TXNRD2: variants seen among roughly 807,000 people sequenced by gnomAD.
TXNRD2 encodes the protein thioredoxin reductase 2, also known as thioredoxin reductase 2, mitochondrial.
In TXNRD2, 67 loss-of-function variants were observed where a neutral mutation model predicts 70.8. That is an observed-to-expected ratio of 0.95 (90% CI 0.78 to 1.16). The LOEUF is 1.16. TXNRD2 is among the 50% of genes most tolerant of loss of function. TXNRD2 has a pLI of 0.00. For missense variants in TXNRD2, 644 were observed against 719.9 expected (o/e 0.89, Z 1.21); for synonymous variants, 301 against 295.8 (o/e 1.02, Z -0.18).
chr22:19,909,899 A>C (rs1413483938), intron 8 of TXNRD2, among the ~76,000 whole-genome samples: 55 of 83,186 alleles, frequency 6.6e-4, no homozygotes, highest in Middle Eastern at 8.2e-3. Context: ...ACACACACAC[A>C]CACCACACAC....
At chr22:19,890,953 C>CTGTGGT in intron 11 of TXNRD2, among the ~76,000 whole-genome samples, 1 of 152,170 alleles carries the variant, frequency 6.6e-6, no homozygotes, top group South Asian at 2.1e-4. Flanking sequence ...TCCTGGGCAC[C>CTGTGGT]CCAGTCTCTC....
chr22:19,918,906 C>A lies in TXNRD2; in HGVS notation c.328G>T (p.Ala110Ser). 6.2e-7 allele frequency: 1 copy of A among 1,612,760 alleles called. No homozygotes were observed. The highest frequency in any genetic ancestry group is 8.5e-7 in the Non-Finnish European group (1 of 1,179,996). Residue 110 changes from alanine to serine, a missense_variant, in exon 4 of 18, where the codon GCC (alanine) becomes TCC (serine). This residue lies in a region of TXNRD2 where 566 missense variants were observed against 645.0 expected (regional missense o/e 0.88). Transcript: ENST00000400521. ...GCCACCTCCCAGCCATAGTTGGGGG[C>A]ATCTTGGATCAGGCCTCCCAGCAGT... ...AALLGGLIQD[A>S]PNYGWEVAQP...
intron 14 of TXNRD2, among the ~76,000 whole-genome samples, chr22:19,879,597 G>A: frequency 6.8e-6 from 1 of 147,536 alleles, no homozygotes; most frequent in East Asian, 2.0e-4. Context: ...GGGCAGTCCA[G>A]GAAGACGAGG....
At chr22:19,924,060 G>T (rs1480787963) in intron 2 of TXNRD2, among the ~76,000 whole-genome samples, 1 of 151,728 alleles carries the variant, frequency 6.6e-6, no homozygotes, top group African/African-American at 2.4e-5. Flanking sequence ...GTGTGCAGCG[G>T]TGCGATCACA....
chr22:19,900,508 T>A (rs997500463), intron 8 of TXNRD2, among the ~76,000 whole-genome samples: 6 of 152,182 alleles, frequency 3.9e-5, no homozygotes, highest in Non-Finnish European at 7.3e-5. Flanking sequence ...CCCAGCACTT[T>A]GGGAGGCCGA....
At chr22:19,900,946 G>A (rs974580408) in intron 8 of TXNRD2, among the ~76,000 whole-genome samples, 11 of 152,242 alleles carry the variant, frequency 7.2e-5, no homozygotes. Context: ...CTGGCAGAGT[G>A]AGGCCAATGC....
intron 11 of TXNRD2, among the ~76,000 whole-genome samples, chr22:19,889,772 G>A (rs1040383322): frequency 2.6e-5 from 4 of 152,040 alleles, no homozygotes; most frequent in South Asian, 4.1e-4. Flanking sequence ...CACCTCACCC[G>A]GCCCTTTAAC....
At chr22:19,906,599 G>A (rs2146000660) in intron 8 of TXNRD2, among the ~76,000 whole-genome samples, 1 of 152,236 alleles carries the variant, frequency 6.6e-6, no homozygotes, top group East Asian at 1.9e-4. Flanking sequence ...TCCAGCCTGG[G>A]CGACAGAGCA....
intron 5 of TXNRD2, chr22:19,916,184 T>C (rs35792038): frequency 0.13 from 46,317 of 350,932 alleles, 3,345 homozygotes; most frequent in Non-Finnish European, 0.15. Flanking sequence ...CACCCGGACA[T>C]GTTCCAGCAG....
intron 2 of TXNRD2, among the ~76,000 whole-genome samples, chr22:19,920,270 G>A (rs1204097256): frequency 6.6e-6 from 1 of 152,206 alleles, no homozygotes; most frequent in Admixed American, 6.5e-5. Context: ...ACAGGTTCTG[G>A]GGCCAACTCA....
At chr22:19,917,748 G>A (rs1240355500) in intron 5 of TXNRD2, among the ~76,000 whole-genome samples, 1 of 152,188 alleles carries the variant, frequency 6.6e-6, no homozygotes, top group Non-Finnish European at 1.5e-5. Flanking sequence ...GAGGTGTGCA[G>A]TAAGAAGGGG....
chr22:19,909,884 C>T (rs374784457), intron 8 of TXNRD2, among the ~76,000 whole-genome samples: 2 of 44,822 alleles, frequency 4.5e-5, no homozygotes, highest in Non-Finnish European at 6.9e-5. Flanking sequence ...TCACACACAC[C>T]ACTCACACAC....
intron 8 of TXNRD2, among the ~76,000 whole-genome samples, chr22:19,909,386 A>G (rs1467920583): frequency 6.6e-6 from 1 of 152,070 alleles, no homozygotes; most frequent in Non-Finnish European, 1.5e-5. Context: ...CATTAACAAG[A>G]GAAAGGTCAA....
chr22:19,922,227 T>C (rs2146060167), intron 2 of TXNRD2, among the ~76,000 whole-genome samples: 1 of 152,292 alleles, frequency 6.6e-6, no homozygotes, highest in African/African-American at 2.4e-5. Context: ...GCAGAAAAGA[T>C]CAATAAAACA....
intron 1 of TXNRD2, among the ~76,000 whole-genome samples, chr22:19,931,919 T>C (rs556054001): frequency 2.0e-5 from 3 of 151,992 alleles, no homozygotes; most frequent in East Asian, 1.9e-4. Flanking sequence ...CCAGCACTTT[T>C]GGAGGCCAAG....
rs143719230 is a variant in TXNRD2, at chr22:19,904,591, C to T, written c.663-5523G>A. 6.4e-3 allele frequency among the ~76,000 whole-genome samples: 970 copies of T among 152,330 alleles called. 12 individuals carry two copies. The highest frequency in any genetic ancestry group is 0.022 in the African/African-American group (910 of 41,566). On this transcript the variant is annotated intron_variant, in intron 8 of 17. Transcript: ENST00000400521. ...GGCACCACTCGCCAGATCTGGAGCT[C>T]CCGGCAGTGGGCCCCACACAGACGT...
intron 1 of TXNRD2, among the ~76,000 whole-genome samples, chr22:19,936,209 G>A (rs76961663): frequency 0.07 from 10,671 of 152,008 alleles, 812 homozygotes; most frequent in East Asian, 0.32. Flanking sequence ...TACCAATCCC[G>A]TGACACCCTG....
At chr22:19,921,366 G>C (rs149289292) in intron 2 of TXNRD2, among the ~76,000 whole-genome samples, 3,671 of 144,820 alleles carry the variant, frequency 0.025, 69 homozygotes, top group Admixed American at 0.038. Context: ...AGTGAGTCAA[G>C]ATTGTGCCAC....
At chr22:19,932,964 G>A (rs1941421139) in intron 1 of TXNRD2, among the ~76,000 whole-genome samples, 1 of 152,340 alleles carries the variant, frequency 6.6e-6, no homozygotes, top group East Asian at 1.9e-4. Flanking sequence ...TGGCCCTGCA[G>A]ATGCCCCACA....
Sources: allele counts gnomAD v4.1 joint callset (sites outside exome capture counted in the v4.1 genomes callset), GRCh38; gene constraint gnomAD v4.1.1; regional missense constraint gnomAD v4.1.1; transcripts MANE v1.5; gene names NCBI Gene and HGNC (gene_info 2026-07-23, HGNC 2026-07-21).